ADAM12: variants seen among roughly 807,000 people sequenced by gnomAD.
ADAM12 encodes the protein disintegrin and metalloproteinase domain-containing protein 12.
Under a neutral mutation model 106.4 loss-of-function variants are expected in ADAM12, and 70 were observed. That is an observed-to-expected ratio of 0.66 (90% CI 0.54 to 0.80). The LOEUF is 0.80. Ranked by LOEUF, ADAM12 falls within the 30% of genes least tolerant of loss-of-function variation. ADAM12 has a pLI of 0.00. For missense variants in ADAM12, 1,010 were observed against 1,171.9 expected (o/e 0.86, Z 2.02); for synonymous variants, 420 against 433.5 (o/e 0.97, Z 0.39).
intron 14 of ADAM12, among the ~76,000 whole-genome samples, chr10:126,052,321 C>T (rs949670632): frequency 3.3e-5 from 5 of 152,170 alleles, no homozygotes; most frequent in African/African-American, 7.2e-5. Context: ...GGCTAGGACT[C>T]GGAAATACAA....
intron 14 of ADAM12, among the ~76,000 whole-genome samples, chr10:126,055,590 G>C (rs1270766643): frequency 1.3e-5 from 2 of 152,248 alleles, no homozygotes; most frequent in South Asian, 2.1e-4. Context: ...CAATGTAAAT[G>C]GCAAAGTTGG....
At position 126,015,145 on chromosome 10, in the gene ADAM12, C is replaced by T. The variant is rs1301863410; in HGVS notation, c.*2134G>A. On this transcript the variant is annotated 3_prime_UTR_variant, in exon 23 of 23. Coordinates refer to ENST00000448723, the MANE Select transcript of ADAM12 (RefSeq NM_001288973.2). ...AAGAATGTGTCATCAGCCATGGCCC[C>T]TAAGTGGCCATTGATGACATGGCAT... The T allele has an allele frequency of 6.6e-6, 1 of 152,186 alleles. No homozygotes were observed. Among genetic ancestry groups the T allele is most frequent in the East Asian group, 1.9e-4 (1 of 5,198 alleles). 9.4% of individuals were successfully genotyped at this position (152,186 alleles called of 1,614,324 possible). A position where few individuals can be genotyped will look rare whatever the true frequency, so the allele number is the denominator to read the frequency against.
chr10:126,220,524 A>C (rs1458218716), intron 3 of ADAM12, among the ~76,000 whole-genome samples: 1 of 152,158 alleles, frequency 6.6e-6, no homozygotes, highest in South Asian at 2.1e-4. Flanking sequence ...ATTCATTCTA[A>C]AATGATTTTT....
intron 4 of ADAM12, among the ~76,000 whole-genome samples, chr10:126,142,887 G>A (rs543632291): frequency 8.5e-5 from 13 of 152,212 alleles, no homozygotes; most frequent in East Asian, 5.8e-4. Context: ...GGGCACGTGC[G>A]TATATTTGTG....
At chr10:126,201,640 G>A (rs989466847) in intron 3 of ADAM12, among the ~76,000 whole-genome samples, 4 of 152,248 alleles carry the variant, frequency 2.6e-5, no homozygotes, top group Non-Finnish European at 5.9e-5. Flanking sequence ...GGGAGATGGG[G>A]AACTGGCAAT....
At chr10:126,236,905 G>A (rs567477795) in intron 3 of ADAM12, among the ~76,000 whole-genome samples, 1 of 152,280 alleles carries the variant, frequency 6.6e-6, no homozygotes, top group Non-Finnish European at 1.5e-5. Context: ...CATCCACCCT[G>A]GGCATGGGCA....
At chr10:126,193,378 T>C (rs1366117323) in intron 3 of ADAM12, among the ~76,000 whole-genome samples, 2 of 152,094 alleles carry the variant, frequency 1.3e-5, no homozygotes, top group Non-Finnish European at 2.9e-5. Flanking sequence ...GTTAAGGTTT[T>C]GCTTAATTTG....
chr10:126,044,831 G>T (rs1412121688), intron 17 of ADAM12, among the ~76,000 whole-genome samples: 1 of 152,210 alleles, frequency 6.6e-6, no homozygotes, highest in African/African-American at 2.4e-5. Flanking sequence ...AAATGTAAGT[G>T]TCTTGCCTGT....
intron 2 of ADAM12, among the ~76,000 whole-genome samples, chr10:126,322,831 T>TA (rs568278483): frequency 1.0e-3 from 152 of 152,336 alleles, no homozygotes; most frequent in Non-Finnish European, 1.8e-3. Context: ...AATGATTCTT[T>TA]AAACAGCTGA....
chr10:126,310,473 T>G (rs1961033987), intron 2 of ADAM12, among the ~76,000 whole-genome samples: 1 of 152,056 alleles, frequency 6.6e-6, no homozygotes, highest in South Asian at 2.1e-4. Flanking sequence ...ACCAAGGCAT[T>G]ATTGACCTTG....
intron 2 of ADAM12, among the ~76,000 whole-genome samples, chr10:126,305,139 T>C (rs1960790095): frequency 6.6e-6 from 1 of 152,054 alleles, no homozygotes; most frequent in South Asian, 2.1e-4. Context: ...AATAAAAATA[T>C]ATTTCTACAC....
At chr10:126,202,366 C>T (rs2133821839) in intron 3 of ADAM12, among the ~76,000 whole-genome samples, 1 of 152,330 alleles carries the variant, frequency 6.6e-6, no homozygotes, top group East Asian at 1.9e-4. Flanking sequence ...TCCTTAAGTT[C>T]ACTGAACTGT....
At chr10:126,143,591 A>ATG (rs10676654) in intron 4 of ADAM12, among the ~76,000 whole-genome samples, 124,108 of 150,816 alleles carry the variant, frequency 0.82, 51,693 homozygotes, top group East Asian at 0.95. Context: ...GTGTGTGTAT[A>ATG]TGCATGTATC....
At chr10:126,280,657 A>G (rs1959529793) in intron 2 of ADAM12, among the ~76,000 whole-genome samples, 1 of 152,172 alleles carries the variant, frequency 6.6e-6, no homozygotes, top group South Asian at 2.1e-4. Flanking sequence ...GTACAAACTC[A>G]AGGGTTTTTT....
intron 14 of ADAM12, among the ~76,000 whole-genome samples, chr10:126,063,096 G>A (rs1483322660): frequency 1.3e-5 from 2 of 152,208 alleles, no homozygotes; most frequent in Non-Finnish European, 2.9e-5. Flanking sequence ...GGCCCAGCAG[G>A]CGATGATGCC....
chr10:126,183,160 TGG>T (rs1957344413), intron 3 of ADAM12, among the ~76,000 whole-genome samples: 2 of 152,188 alleles, frequency 1.3e-5, no homozygotes, highest in African/African-American at 4.8e-5. Context: ...CACCCCCAGA[TGG>T]GACCGTCTAG....
At chr10:126,221,389 C>CAAAAAAAAAAA (rs35766891) in intron 3 of ADAM12, among the ~76,000 whole-genome samples, 2 of 100,710 alleles carry the variant, frequency 2.0e-5, no homozygotes, top group Admixed American at 1.1e-4. Context: ...GACTCTGTCT[C>CAAAAAAAAAAA]AAAAAAAAAA....
chr10:126,208,222 C>T (rs143249824), intron 3 of ADAM12, among the ~76,000 whole-genome samples: 13 of 152,250 alleles, frequency 8.5e-5, no homozygotes, highest in African/African-American at 3.1e-4. Context: ...TGATTTTGTG[C>T]CCCACCCCAG....
In ADAM12 at chr10:126,053,886, T is replaced by C. The variant is rs1954567951; in HGVS notation, c.1610-4217A>G. On this transcript the variant is annotated intron_variant, in intron 14 of 22. Transcript: ENST00000448723. This position sits in a 1 kb window ranked among gnomAD's most constrained non-coding sequence, Gnocchi z 4.6. ...ACGACTGGCTAATATTTTGTATTTTTAGTAGAGATGGGGTTTCACCATGTT... is the reference window on the plus strand; with the variant it reads ...ACGACTGGCTAATATTTTGTATTTTCAGTAGAGATGGGGTTTCACCATGTT... Among the ~76,000 whole-genome samples the C allele has an allele frequency of 6.6e-6, 1 of 152,132 alleles. No individual in the cohort carries two copies. Among genetic ancestry groups the C allele is most frequent in the Non-Finnish European group, 1.5e-5 (1 of 68,022 alleles).
Sources: allele counts gnomAD v4.1 joint callset (sites outside exome capture counted in the v4.1 genomes callset), GRCh38; gene constraint gnomAD v4.1.1; non-coding constraint Gnocchi (gnomAD v3.1); transcripts MANE v1.5; gene names NCBI Gene and HGNC (gene_info 2026-07-23, HGNC 2026-07-21).